Variants in PRKG1 observed in about 807,000 individuals in gnomAD.
PRKG1 encodes cGMP-dependent protein kinase 1.
PRKG1 carries 35 observed loss-of-function variants against 88.1 expected under a neutral mutation model. The ratio of observed to expected loss-of-function variants is 0.40; its 90% CI spans 0.30 to 0.53. The LOEUF is 0.53. Among genes scored for constraint, PRKG1 ranks in the 20% least tolerant of loss-of-function variants. PRKG1 has a pLI of 0.59. For synonymous variants in PRKG1, 303 were observed against 292.5 expected (o/e 1.04, Z -0.37); for missense variants, 540 against 839.8 (o/e 0.64, Z 4.41).
intron 3 of PRKG1, among the ~76,000 whole-genome samples, chr10:51,509,652 G>A (rs546581765): frequency 2.0e-5 from 3 of 152,100 alleles, no homozygotes; most frequent in African/African-American, 7.2e-5. Context: ...CTGGATTACA[G>A]GCAGGAGCCT....
intron 5 of PRKG1, among the ~76,000 whole-genome samples, chr10:52,036,074 G>T (rs1031869996): frequency 1.3e-5 from 2 of 152,142 alleles, no homozygotes; most frequent in East Asian, 3.9e-4. Flanking sequence ...GCTGAGATAG[G>T]TAACAGATGA....
At chr10:52,067,961 T>C (rs1201050984) in intron 7 of PRKG1, among the ~76,000 whole-genome samples, 1 of 104,942 alleles carries the variant, frequency 9.5e-6, no homozygotes, top group African/African-American at 2.7e-5. Flanking sequence ...TCCCAGCACT[T>C]TGGGAGGCCG....
Position 50,991,458 on chromosome 10 carries a change from C to CA in PRKG1, c.81dup (p.Glu28ArgfsTer73). ...ATCAAAGAGCTGGAGAAGCGGCTGT[C>CA]AGAGAAGGAGGAAGAAATTCAGGAG... is the stretch of plus-strand genomic sequence containing the variant. On this transcript the variant is annotated frameshift_variant, in exon 1 of 18. Transcript: ENST00000401604. LOFTEE classifies it high-confidence loss of function. The surrounding 1 kb of genome is among the most constrained non-coding windows in gnomAD (Gnocchi z 4.5). 1 of 1,606,248 alleles carries CA rather than the reference C, an allele frequency of 6.2e-7. No individual in the cohort carries two copies. Among genetic ancestry groups the CA allele is most frequent in the Non-Finnish European group, 8.5e-7 (1 of 1,176,742 alleles).
chr10:51,865,729 G>C (rs1840997949), intron 4 of PRKG1, among the ~76,000 whole-genome samples: 1 of 151,918 alleles, frequency 6.6e-6, no homozygotes, highest in Non-Finnish European at 1.5e-5. Flanking sequence ...AGAGTACTCA[G>C]GAATGGTTTG....
intron 4 of PRKG1, among the ~76,000 whole-genome samples, chr10:51,896,509 G>A (rs975067916): frequency 1.5e-4 from 23 of 151,384 alleles, no homozygotes; most frequent in Non-Finnish European, 8.8e-5. Context: ...AAGTGTTCGA[G>A]ACAAGCCTGG....
At chr10:51,075,784 A>G (rs1843935956) in intron 1 of PRKG1, among the ~76,000 whole-genome samples, 1 of 152,236 alleles carries the variant, frequency 6.6e-6, no homozygotes, top group African/African-American at 2.4e-5. Flanking sequence ...AGTGGGCTTC[A>G]TAACTTGGAT....
At chr10:52,112,241 C>T (rs1446755141) in intron 7 of PRKG1, among the ~76,000 whole-genome samples, 1 of 152,152 alleles carries the variant, frequency 6.6e-6, no homozygotes, top group Non-Finnish European at 1.5e-5. Flanking sequence ...TTTCCAGATC[C>T]CTTCATAAAT....
chr10:51,960,450 A>G (rs1406337432), intron 5 of PRKG1, among the ~76,000 whole-genome samples: 1 of 152,158 alleles, frequency 6.6e-6, no homozygotes. Flanking sequence ...AAAAATATTT[A>G]TGGGAGTAAG....
At chr10:51,344,576 G>A (rs1049407590) in intron 2 of PRKG1, among the ~76,000 whole-genome samples, 1 of 152,158 alleles carries the variant, frequency 6.6e-6, no homozygotes, top group African/African-American at 2.4e-5. Flanking sequence ...AGGGTCAAAA[G>A]CATGTACATG....
intron 8 of PRKG1, among the ~76,000 whole-genome samples, chr10:52,142,881 G>T (rs1837621336): frequency 6.6e-6 from 1 of 152,058 alleles, no homozygotes; most frequent in African/African-American, 2.4e-5. Flanking sequence ...GCTTAAGGAG[G>T]ACAGGACTAT....
At chr10:51,148,217 C>G (rs922369910) in intron 1 of PRKG1, 19 of 984,518 alleles carry the variant, frequency 1.9e-5, no homozygotes, top group Middle Eastern at 1.0e-3. Flanking sequence ...TCAATGAAGA[C>G]TTGGATGTCT....
intron 3 of PRKG1, among the ~76,000 whole-genome samples, chr10:51,770,806 CA>C (rs1838285205): frequency 6.6e-6 from 1 of 152,044 alleles, no homozygotes; most frequent in Non-Finnish European, 1.5e-5. Context: ...CCCCGGTGAC[CA>C]AAAGGTTGGG....
In PRKG1 at chr10:51,197,671, A is replaced by G. The variant is rs553026754; in HGVS notation, c.478+44341A>G. 3.9e-5 allele frequency among the ~76,000 whole-genome samples: 6 copies of G among 152,086 alleles called. No individual in the cohort carries two copies. The South Asian group carries it at 1.0e-3, about 26-fold the overall frequency. On this transcript the variant is annotated intron_variant, in intron 2 of 17. Coordinates refer to ENST00000373980, the MANE Select transcript of PRKG1 (RefSeq NM_006258.4). ...GTGTATATACTAGTATATACATAGT[A>G]TATACACTCAAGACAAATCATTAAA... is the stretch of plus-strand genomic sequence containing the variant.
At chr10:51,254,232 T>C (rs1202102344) in intron 2 of PRKG1, among the ~76,000 whole-genome samples, 1 of 151,992 alleles carries the variant, frequency 6.6e-6, no homozygotes, top group Non-Finnish European at 1.5e-5. Context: ...TCTAACATAA[T>C]TTTCCTAGGA....
chr10:51,269,363 G>C (rs981570833), intron 2 of PRKG1, among the ~76,000 whole-genome samples: 1 of 151,918 alleles, frequency 6.6e-6, no homozygotes, highest in African/African-American at 2.4e-5. Context: ...TCCACTACTG[G>C]GTATCTACCC....
At chr10:52,251,490 T>C in intron 9 of PRKG1, 80 bp from the exon 10 acceptor site, 2 of 1,084,922 alleles carry the variant, frequency 1.8e-6, no homozygotes, top group South Asian at 2.6e-5. Context: ...TCCACAGTCA[T>C]GTCATTCTGG....
intron 2 of PRKG1, among the ~76,000 whole-genome samples, chr10:51,442,484 GC>G (rs1418565620): frequency 1.3e-5 from 2 of 151,870 alleles, no homozygotes; most frequent in African/African-American, 4.8e-5. Context: ...CAATTTTTCA[GC>G]ATATCTCTGT....
intron 7 of PRKG1, among the ~76,000 whole-genome samples, chr10:52,072,088 C>T (rs1389361334): frequency 6.6e-6 from 1 of 151,094 alleles, no homozygotes; most frequent in African/African-American, 2.4e-5. Flanking sequence ...CTGTGCGGCT[C>T]CAGCTTGTTT....
chr10:51,911,811 CT>C, intron 5 of PRKG1, among the ~76,000 whole-genome samples: 1 of 152,266 alleles, frequency 6.6e-6, no homozygotes, highest in Non-Finnish European at 1.5e-5. Context: ...ATTGAGCTGT[CT>C]ATCTCAAATA....
Sources: gnomAD v4.1 joint callset for allele counts (sites outside exome capture counted in the v4.1 genomes callset) on GRCh38, gnomAD v4.1.1 for gene constraint, Gnocchi (gnomAD v3.1) non-coding constraint, MANE v1.5 for transcripts, NCBI Gene and HGNC (gene_info 2026-07-23, HGNC 2026-07-21) for gene names.